Variants in PRKDC observed in about 807,000 individuals in gnomAD.
PRKDC encodes DNA-dependent protein kinase catalytic subunit.
Under a neutral mutation model 486.9 loss-of-function variants are expected in PRKDC, and 82 were observed. That is an observed-to-expected ratio of 0.17 (90% CI 0.14 to 0.20). PRKDC has a LOEUF of 0.20. Among genes scored for constraint, PRKDC ranks in the 10% least tolerant of loss-of-function variants. The pLI, the probability that PRKDC is intolerant of heterozygous loss-of-function variation, is 1.00. For missense variants in PRKDC, 4,504 were observed against 5,038.2 expected (o/e 0.89, Z 3.21); for synonymous variants, 1,895 against 1,837.0 (o/e 1.03, Z -0.81).
chr8:47,945,996 A>G (rs2154504266), intron 7 of PRKDC, among the ~76,000 whole-genome samples: 1 of 150,678 alleles, frequency 6.6e-6, no homozygotes, highest in African/African-American at 2.4e-5. Context: ...TGCCGGGATT[A>G]CAGGTGTGAG....
At chr8:47,885,530 T>C (rs2089307711) in intron 36 of PRKDC, among the ~76,000 whole-genome samples, 1 of 152,178 alleles carries the variant, frequency 6.6e-6, no homozygotes, top group Non-Finnish European at 1.5e-5. Context: ...TTCAACCTTA[T>C]AGGAAAAAGT....
At chr8:47,858,184 C>T (rs1452448546) in intron 48 of PRKDC, among the ~76,000 whole-genome samples, 5 of 151,746 alleles carry the variant, frequency 3.3e-5, no homozygotes, top group Non-Finnish European at 4.4e-5. Flanking sequence ...TTCTCCCCCG[C>T]TCCACCCCCC....
At chr8:47,869,426 A>C (rs2088895414) in intron 40 of PRKDC, among the ~76,000 whole-genome samples, 1 of 151,616 alleles carries the variant, frequency 6.6e-6, no homozygotes, top group Admixed American at 6.6e-5. Flanking sequence ...CTGGGCCAGA[A>C]GGGAACCTGC....
intron 7 of PRKDC, among the ~76,000 whole-genome samples, chr8:47,946,858 C>T (rs1370610140): frequency 6.6e-6 from 1 of 152,024 alleles, no homozygotes; most frequent in Non-Finnish European, 1.5e-5. Flanking sequence ...ACTGCACAGC[C>T]CTCAGTCCCT....
intron 74 of PRKDC, among the ~76,000 whole-genome samples, chr8:47,792,960 C>T (rs1231902633): frequency 2.0e-5 from 3 of 152,202 alleles, no homozygotes; most frequent in Non-Finnish European, 4.4e-5. Flanking sequence ...TAGCTCACTG[C>T]AGCCTTGAAT....
intron 56 of PRKDC, among the ~76,000 whole-genome samples, chr8:47,837,753 G>A (rs2088060065): frequency 6.6e-6 from 1 of 151,754 alleles, no homozygotes; most frequent in Admixed American, 6.6e-5. Context: ...AAAAATTTAA[G>A]AAATTACACA....
chr8:47,941,910 C>T (rs2154504057), intron 10 of PRKDC, among the ~76,000 whole-genome samples: 1 of 152,344 alleles, frequency 6.6e-6, no homozygotes, highest in South Asian at 2.1e-4. Flanking sequence ...ACTGAAAAGT[C>T]TCTGGCAAGG....
Position 47,820,805 on chromosome 8 carries a change from G to C in PRKDC, c.9250C>G (p.Gln3084Glu). 1 of 1,613,174 alleles carries C rather than the reference G, an allele frequency of 6.2e-7. No individual in the cohort carries two copies. Residue 3084 changes from glutamine (Q) to glutamate (E), a missense_variant, in exon 66 of 86, where the codon CAA becomes GAA. Physicochemically the swap from Gln to Glu is conservative, Grantham distance 29. Around this residue, in one of 6 missense-constraint regions of PRKDC, gnomAD observed 1,592 missense variants for 1,724.6 expected, o/e 0.92. Coordinates refer to ENST00000314191, the MANE Select transcript of PRKDC (RefSeq NM_006904.7). The stretch of plus-strand genomic sequence containing the variant: ...AGGAGGTAAAGCAGACTCAGCTCTT[G>C]ACTGTAATGAAGCTCTAGAATCGCC... ...QKAILELHYSQELSLLYLLQD... is the reference protein window; with the variant it reads ...QKAILELHYSEELSLLYLLQD...
In PRKDC at chr8:47,821,742, C is replaced by T. The variant is rs750648062; in HGVS notation, c.8973G>A (p.Lys2991=). ...CAAGGGATGCAAGTTCCCAAAAATCCTTCTCGGCTTCTGTGGGCTCACCAT... is the reference window on the plus strand; with the variant it reads ...CAAGGGATGCAAGTTCCCAAAAATCTTTCTCGGCTTCTGTGGGCTCACCAT... ...WVDGEPTEAE[K]DFWELASLDC... is the part of the protein sequence containing the mutation. Residue 2991 remains lysine (K), a synonymous_variant, in exon 65 of 86, where the codon AAG becomes AAA. Coordinates refer to ENST00000314191, the MANE Select transcript of PRKDC (RefSeq NM_006904.7). 1 of 1,596,672 alleles carries T rather than the reference C, an allele frequency of 6.3e-7. No individual in the cohort carries two copies. The highest frequency in any genetic ancestry group is 2.2e-5 in the East Asian group (1 of 44,582).
At chr8:47,835,781 G>C (rs1281362182) in intron 58 of PRKDC, among the ~76,000 whole-genome samples, 2 of 138,500 alleles carry the variant, frequency 1.4e-5, no homozygotes, top group Admixed American at 7.2e-5. Context: ...TTTTTTTTTT[G>C]AGACAGGGCC....
Position 47,831,894 on chromosome 8 carries a change from G to A in PRKDC, c.8185C>T (p.Arg2729Cys), listed in dbSNP as rs1038437838. Residue 2729 changes from arginine (R) to cysteine (C), a missense_variant, in exon 60 of 86, where the codon CGC becomes TGC. Physicochemically the swap from Arg to Cys is radical, Grantham distance 180. Around this residue, in one of 6 missense-constraint regions of PRKDC, gnomAD observed 1,592 missense variants for 1,724.6 expected, o/e 0.92. Coordinates refer to ENST00000314191, the MANE Select transcript of PRKDC (RefSeq NM_006904.7). The part of the protein sequence containing the change: ...AAGRTDLLRL[R>C]RRFMRDQEKL... Reference sequence around the variant, plus strand: ...TCCTGGTCCCTCATAAACCGTCTGCGCAGTCGTAGTAGGTCCGTCCGGCCG... The same window carrying A: ...TCCTGGTCCCTCATAAACCGTCTGCACAGTCGTAGTAGGTCCGTCCGGCCG... The A allele has an allele frequency of 6.2e-6, 10 of 1,613,814 alleles. No individual in the cohort carries two copies. The highest frequency in any genetic ancestry group is 1.7e-5 in the Admixed American group (1 of 60,004).
At chr8:47,897,678 G>T (rs1256785305) in intron 29 of PRKDC, among the ~76,000 whole-genome samples, 2 of 152,184 alleles carry the variant, frequency 1.3e-5, no homozygotes, top group Non-Finnish European at 1.5e-5. Flanking sequence ...CCCTACCCCA[G>T]GGGTACACAG....
chr8:47,834,776 C>T (rs1424542217), intron 58 of PRKDC, among the ~76,000 whole-genome samples: 5 of 150,354 alleles, frequency 3.3e-5, no homozygotes, highest in Admixed American at 6.6e-5. Flanking sequence ...CTGCAAGCTC[C>T]GCCTCCCGGG....
intron 69 of PRKDC, among the ~76,000 whole-genome samples, chr8:47,804,923 G>A (rs1423700765): frequency 2.6e-5 from 4 of 152,162 alleles, no homozygotes; most frequent in East Asian, 3.9e-4. Flanking sequence ...CACCACATCC[G>A]GCTAATTTTT....
At chr8:47,942,288 C>G (rs1489185760) in intron 10 of PRKDC, among the ~76,000 whole-genome samples, 1 of 152,164 alleles carries the variant, frequency 6.6e-6, no homozygotes, top group African/African-American at 2.4e-5. Flanking sequence ...CCAAGGTAAC[C>G]TCAAAGCCAA....
intron 57 of PRKDC, 132 bp from the exon 58 acceptor site, chr8:47,836,659 G>T: frequency 1.2e-6 from 1 of 825,936 alleles, no homozygotes; most frequent in Non-Finnish European, 1.8e-6. Flanking sequence ...TTCATATGCA[G>T]CTGAAGAAGA....
At chr8:47,778,222 G>T (rs2086639077) in intron 83 of PRKDC, among the ~76,000 whole-genome samples, 1 of 152,132 alleles carries the variant, frequency 6.6e-6, no homozygotes, top group South Asian at 2.1e-4. Context: ...GTCTTCCTTT[G>T]ATCTGCGAAC....
chr8:47,812,882 T>A (rs918369399), intron 68 of PRKDC, among the ~76,000 whole-genome samples: 19 of 151,442 alleles, frequency 1.3e-4, no homozygotes, highest in Non-Finnish European at 2.8e-4. Context: ...ATAACCAATA[T>A]CTGGAATGAA....
At position 47,777,872 on chromosome 8, in the gene PRKDC, A is replaced by T; in HGVS notation, c.11856T>A (p.Phe3952Leu). The change falls in exon 84 of 86, where the codon TTT becomes TTA. Residue 3952 changes from phenylalanine (F) to leucine (L), a missense_variant and splice_region_variant. Physicochemically the swap from Phe to Leu is conservative, Grantham distance 22. This residue lies in a region of PRKDC where 706 missense variants were observed against 945.0 expected (regional missense o/e 0.75). Coordinates refer to ENST00000314191, the MANE Select transcript of PRKDC (RefSeq NM_006904.7). ...FGHAFGSATQ[F>L]LPVPELMPFR... is the part of the protein sequence containing the mutation. Reference sequence around the variant, plus strand: ...AAGGCATCAACTCAGGGACTGGCAGAAACTAAACAAGAAAAAAGGCAAGGA... The same window carrying T: ...AAGGCATCAACTCAGGGACTGGCAGTAACTAAACAAGAAAAAAGGCAAGGA... The T allele has an allele frequency of 6.2e-7, 1 of 1,613,668 alleles. No individual in the cohort carries two copies. Among genetic ancestry groups the T allele is most frequent in the Non-Finnish European group, 8.5e-7 (1 of 1,179,688 alleles).
Sources: allele counts gnomAD v4.1 joint callset (sites outside exome capture counted in the v4.1 genomes callset), GRCh38; gene constraint gnomAD v4.1.1; regional missense constraint gnomAD v4.1.1; transcripts MANE v1.5; gene names NCBI Gene and HGNC (gene_info 2026-07-23, HGNC 2026-07-21).